The following ULK4 variants were observed in gnomAD, a reference collection of about 807,000 sequenced individuals.
ULK4 encodes the protein inactive serine/threonine-protein kinase ULK4.
In ULK4, 133 loss-of-function variants were observed where a neutral mutation model predicts 160.6. The observed-to-expected ratio is 0.83, with a 90% CI of 0.72 to 0.96. The LOEUF (loss-of-function observed/expected upper bound fraction) is 0.96, where lower values mean the gene tolerates loss of function less well. ULK4 is among the 40% of genes least tolerant of loss of function. The probability of loss-of-function intolerance (pLI) is 0.00; values close to 1 mark genes in which losing one functional copy is unlikely to be tolerated. For missense variants in ULK4, 1,580 were observed against 1,499.5 expected (o/e 1.05, Z -0.89); for synonymous variants, 534 against 539.8 (o/e 0.99, Z 0.15).
chr3:41,805,698 TG>T (rs1173972568), intron 19 of ULK4, among the ~76,000 whole-genome samples: 2 of 151,644 alleles, frequency 1.3e-5, no homozygotes, highest in African/African-American at 4.8e-5. Flanking sequence ...CATGAAGGGC[TG>T]TTGAATTTTG....
chr3:41,355,797 T>C (rs1349859817), intron 35 of ULK4, among the ~76,000 whole-genome samples: 1 of 152,220 alleles, frequency 6.6e-6, no homozygotes, highest in Non-Finnish European at 1.5e-5. Context: ...CATTACATTT[T>C]AATAGTTTGA....
intron 19 of ULK4, among the ~76,000 whole-genome samples, chr3:41,818,562 A>G (rs137985950): frequency 1.3e-5 from 2 of 152,316 alleles, no homozygotes; most frequent in Non-Finnish European, 2.9e-5. Context: ...ATATCCCATA[A>G]TGACAAATGA....
intron 17 of ULK4, among the ~76,000 whole-genome samples, chr3:41,856,957 T>A (rs2125679632): frequency 6.6e-6 from 1 of 152,148 alleles, no homozygotes; most frequent in Admixed American, 6.6e-5. Flanking sequence ...TAATTGCTTC[T>A]CTTCACTTCT....
At chr3:41,372,190 G>A (rs1171940338) in intron 35 of ULK4, among the ~76,000 whole-genome samples, 1 of 152,090 alleles carries the variant, frequency 6.6e-6, no homozygotes, top group Non-Finnish European at 1.5e-5. Context: ...GAAAGCGATG[G>A]AAAGAATGGA....
At chr3:41,268,804 A>T in intron 35 of ULK4, among the ~76,000 whole-genome samples, 1 of 102,752 alleles carries the variant, frequency 9.7e-6, no homozygotes, top group East Asian at 2.5e-4. Flanking sequence ...ACTCCGTCTC[A>T]CACACACACA....
intron 8 of ULK4, chr3:41,913,221 CTTTTTTT>C (rs562065017): frequency 5.5e-4 from 55 of 99,806 alleles, no homozygotes; most frequent in South Asian, 1.9e-3. Context: ...ATTTGAAATT[CTTTTTTT>C]TTTTTTTTTT....
At chr3:41,678,993 A>C (rs1220660842) in intron 29 of ULK4, among the ~76,000 whole-genome samples, 3 of 152,202 alleles carry the variant, frequency 2.0e-5, no homozygotes, top group Non-Finnish European at 4.4e-5. Flanking sequence ...ACTCCTTACC[A>C]GGTTCTAGTT....
intron 22 of ULK4, among the ~76,000 whole-genome samples, chr3:41,733,294 T>A (rs1302757801): frequency 6.6e-6 from 1 of 152,070 alleles, no homozygotes; most frequent in East Asian, 1.9e-4. Context: ...AAATTTGCAG[T>A]GACTGCATCA....
At chr3:41,825,803 A>G (rs562750672) in intron 18 of ULK4, among the ~76,000 whole-genome samples, 25 of 152,336 alleles carry the variant, frequency 1.6e-4, no homozygotes, top group African/African-American at 5.3e-4. Flanking sequence ...CAGGAAATAC[A>G]GAGAACGCCA....
chr3:41,513,323 T>C (rs1433796694), intron 32 of ULK4, among the ~76,000 whole-genome samples: 1 of 152,172 alleles, frequency 6.6e-6, no homozygotes, highest in Non-Finnish European at 1.5e-5. Context: ...ACTAAAAAGC[T>C]TCTGCACAGC....
intron 32 of ULK4, among the ~76,000 whole-genome samples, chr3:41,521,210 T>C (rs2085920063): frequency 6.6e-6 from 1 of 152,132 alleles, no homozygotes; most frequent in East Asian, 1.9e-4. Context: ...AAAATTTTAG[T>C]TTCTTTTTCC....
chr3:41,803,617 T>C (rs901544909), intron 19 of ULK4, among the ~76,000 whole-genome samples: 1 of 152,182 alleles, frequency 6.6e-6, no homozygotes, highest in African/African-American at 2.4e-5. Context: ...GTATATCTGC[T>C]AATGCTATCC....
At chr3:41,358,109 G>A (rs554438955) in intron 35 of ULK4, among the ~76,000 whole-genome samples, 55 of 152,306 alleles carry the variant, frequency 3.6e-4, no homozygotes, top group African/African-American at 1.3e-3. Flanking sequence ...ACACCACACT[G>A]CCTCTCACAT....
chr3:41,565,242 T>G (rs2087744569), intron 32 of ULK4, among the ~76,000 whole-genome samples: 1 of 152,192 alleles, frequency 6.6e-6, no homozygotes, highest in Non-Finnish European at 1.5e-5. Flanking sequence ...CTGTACATGA[T>G]TTTTAGAATT....
At chr3:41,664,318 A>G (rs1489263090) in intron 29 of ULK4, among the ~76,000 whole-genome samples, 1 of 152,236 alleles carries the variant, frequency 6.6e-6, no homozygotes, top group Non-Finnish European at 1.5e-5. Context: ...GCACAGCAAC[A>G]TAGTAAAGCC....
chr3:41,448,753 G>A lies in ULK4; in HGVS notation c.3492+6744C>T, dbSNP rs114098913. Among the ~76,000 whole-genome samples the A allele has an allele frequency of 2.5e-3, 377 of 152,310 alleles. 2 individuals carry two copies. Among genetic ancestry groups the A allele is most frequent in the African/African-American group, 8.3e-3 (343 of 41,572 alleles). ...ATGTGTTTGGGTGGCAGAACTGCCA[G>A]GGCTTGATGAAACGGGGCAGGATGG... On this transcript the variant is annotated intron_variant, in intron 34 of 36. Coordinates refer to ENST00000301831, the MANE Select transcript of ULK4 (RefSeq NM_017886.4).
chr3:41,948,729 A>G (rs1576003874), intron 2 of ULK4, among the ~76,000 whole-genome samples: 1 of 151,606 alleles, frequency 6.6e-6, no homozygotes. Context: ...CTTTAAAAAA[A>G]AAAAAAAAAC....
At chr3:41,492,823 G>A (rs2125908845) in intron 32 of ULK4, among the ~76,000 whole-genome samples, 1 of 140,936 alleles carries the variant, frequency 7.1e-6, no homozygotes, top group Admixed American at 7.3e-5. Flanking sequence ...GATCAAAACA[G>A]ACAAAGAAGG....
chr3:41,756,471 T>G (rs1471124141), intron 21 of ULK4, among the ~76,000 whole-genome samples: 1 of 152,100 alleles, frequency 6.6e-6, no homozygotes, highest in Non-Finnish European at 1.5e-5. Flanking sequence ...CTTCCCAAAA[T>G]CATGTATCAT....
Sources: allele counts gnomAD v4.1 joint callset (sites outside exome capture counted in the v4.1 genomes callset), GRCh38; gene constraint gnomAD v4.1.1; transcripts MANE v1.5; gene names NCBI Gene and HGNC (gene_info 2026-07-23, HGNC 2026-07-21).